The following FARP2 variants were observed in gnomAD, a reference collection of about 807,000 sequenced individuals.
FARP2 encodes the protein FERM, ARHGEF and pleckstrin domain-containing protein 2.
Under a neutral mutation model 130.5 loss-of-function variants are expected in FARP2, and 111 were observed. The observed-to-expected ratio is 0.85, with a 90% CI of 0.73 to 1.00. FARP2 has a LOEUF of 1.00. FARP2 is among the 50% of genes least tolerant of loss of function. The probability of loss-of-function intolerance (pLI) is 0.00; values close to 1 mark genes in which losing one functional copy is unlikely to be tolerated. For synonymous variants in FARP2, 504 were observed against 516.9 expected (o/e 0.98, Z 0.34); for missense variants, 1,385 against 1,346.3 (o/e 1.03, Z -0.45).
intron 8 of FARP2, among the ~76,000 whole-genome samples, chr2:241,422,610 G>C (rs1273371327): frequency 2.6e-5 from 4 of 152,162 alleles, no homozygotes; most frequent in African/African-American, 4.8e-5. Flanking sequence ...GAAATGGGCT[G>C]GGGCTGAGGC....
intron 2 of FARP2, among the ~76,000 whole-genome samples, chr2:241,375,040 G>A (rs2061503649): frequency 6.6e-6 from 1 of 152,054 alleles, no homozygotes; most frequent in African/African-American, 2.4e-5. Context: ...TCTGCCTCCC[G>A]GGTTCACACC....
chr2:241,447,499 G>C (rs751004538), intron 13 of FARP2, among the ~76,000 whole-genome samples: 2 of 152,132 alleles, frequency 1.3e-5, no homozygotes, highest in African/African-American at 4.8e-5. Flanking sequence ...CCCACGGGGC[G>C]GGCCTTGTGT....
chr2:241,440,967 T>A (rs57696929), intron 12 of FARP2, among the ~76,000 whole-genome samples: 1 of 152,030 alleles, frequency 6.6e-6, no homozygotes, highest in Non-Finnish European at 1.5e-5. Flanking sequence ...ATGGCACCAC[T>A]GTACTCCACC....
intron 1 of FARP2, among the ~76,000 whole-genome samples, chr2:241,359,002 C>G (rs1575441017): frequency 6.6e-6 from 1 of 152,278 alleles, no homozygotes; most frequent in East Asian, 1.9e-4. Context: ...GTAGAGTACT[C>G]CATAGCAAGT....
At chr2:241,453,284 C>T (rs903143162) in intron 13 of FARP2, among the ~76,000 whole-genome samples, 7 of 151,346 alleles carry the variant, frequency 4.6e-5, no homozygotes, top group Non-Finnish European at 4.4e-5. Context: ...GAGCCGAGAT[C>T]GTGCTACTGC....
In FARP2 at chr2:241,463,583, A is replaced by G. The variant is rs374585609; in HGVS notation, c.1811+115A>G. On this transcript the variant is annotated intron_variant, in intron 16 of 26. Transcript: ENST00000264042. ...AGAAGAGCCATTTTTTCACTGGAGC[A>G]TATTTTTAGGAGCCTGTGGGGAGAG... is the stretch of plus-strand genomic sequence containing the variant. 13 of 1,240,542 alleles carry G rather than the reference A, an allele frequency of 1.0e-5. No individual in the cohort carries two copies. The African/African-American group carries it at 1.5e-4, about 14-fold the overall frequency. The allele number at this position is 1,240,542 out of a possible 1,614,324, so 76.8% of individuals were successfully genotyped here.
At position 241,414,653 on chromosome 2, in the gene FARP2, G is replaced by T. The variant is rs760599378; in HGVS notation, c.623+1232G>T. On this transcript the variant is annotated intron_variant, in intron 7 of 26. Transcript: ENST00000264042. The stretch of plus-strand genomic sequence containing the variant: ...TGCACCTCACCACTCCCAGTGTGGG[G>T]GATCTCTTGTGTTTGCAGGGGAGTG... 4.9e-4 allele frequency among the ~76,000 whole-genome samples: 74 copies of T among 152,328 alleles called. No individual in the cohort carries two copies. The Middle Eastern group carries it at 0.014, about 28-fold the overall frequency.
At chr2:241,434,027 C>A (rs968626341) in intron 9 of FARP2, 131 bp from the exon 10 acceptor site, 19 of 713,812 alleles carry the variant, frequency 2.7e-5, no homozygotes, top group Non-Finnish European at 4.2e-5. Context: ...AGAGCAAGAT[C>A]CTGTCTCAAA....
intron 6 of FARP2, among the ~76,000 whole-genome samples, chr2:241,412,854 C>T (rs2062556577): frequency 6.6e-6 from 1 of 152,056 alleles, no homozygotes; most frequent in South Asian, 2.1e-4. Context: ...GTGGCAAAAC[C>T]TTATCTCTAC....
intron 19 of FARP2, among the ~76,000 whole-genome samples, chr2:241,479,286 T>G (rs956093910): frequency 1.3e-5 from 2 of 152,222 alleles, no homozygotes; most frequent in African/African-American, 4.8e-5. Flanking sequence ...CCGAAGATCA[T>G]GTAAAGGACA....
At chr2:241,450,938 C>T (rs926336237) in intron 13 of FARP2, among the ~76,000 whole-genome samples, 2 of 152,096 alleles carry the variant, frequency 1.3e-5, no homozygotes, top group African/African-American at 2.4e-5. Context: ...GGCAACAGAG[C>T]AAGACTGTCT....
chr2:241,399,290 A>G (rs541791942), intron 2 of FARP2, among the ~76,000 whole-genome samples: 2 of 152,128 alleles, frequency 1.3e-5, no homozygotes, highest in African/African-American at 4.8e-5. Flanking sequence ...TATGTTGACT[A>G]CAAGACCTTT....
chr2:241,415,856 A>G (rs1396073872), intron 7 of FARP2, among the ~76,000 whole-genome samples: 2 of 152,160 alleles, frequency 1.3e-5, no homozygotes, highest in African/African-American at 4.8e-5. Context: ...CAGCAGCTTC[A>G]GTGAGTGGTG....
chr2:241,438,975 A>G (rs1389099860), intron 12 of FARP2, among the ~76,000 whole-genome samples: 1 of 151,882 alleles, frequency 6.6e-6, no homozygotes, highest in African/African-American at 2.4e-5. Context: ...TGTTAATTCA[A>G]TTGAAATTAA....
At chr2:241,406,320 A>C (rs775719482) in intron 4 of FARP2, among the ~76,000 whole-genome samples, 8 of 151,972 alleles carry the variant, frequency 5.3e-5, no homozygotes, top group Non-Finnish European at 8.8e-5. Context: ...AAAAACCAAA[A>C]CAAAACAAAA....
At chr2:241,448,220 C>A (rs566019249) in intron 13 of FARP2, among the ~76,000 whole-genome samples, 1 of 152,276 alleles carries the variant, frequency 6.6e-6, no homozygotes, top group South Asian at 2.1e-4. Context: ...TGCTCCCTGA[C>A]CATCACCCTC....
rs1553705628 is a variant in FARP2 at position 241,366,104 on chromosome 2, A to ATAT, written c.-24-6980_-24-6979insTAT. Among the ~76,000 whole-genome samples, 246 of 56,952 alleles carry ATAT rather than the reference A, an allele frequency of 4.3e-3. 7 individuals carry two copies. Among genetic ancestry groups the ATAT allele is most frequent in the African/African-American group, 7.4e-3 (109 of 14,798 alleles). The allele number at this position is 56,952 out of a possible 152,430, so 37.4% of individuals were successfully genotyped here. A position where few individuals can be genotyped will look rare whatever the true frequency, so the allele number is the denominator to read the frequency against. ...ACCTCATCACTACTAAAAAAAAAAA[A>ATAT]ATATATATATATATATACGTATATA... On this transcript the variant is annotated intron_variant, in intron 1 of 26. Coordinates refer to ENST00000264042, the MANE Select transcript of FARP2 (RefSeq NM_014808.4).
chr2:241,443,148 G>T, intron 13 of FARP2: 1 of 240,204 alleles, frequency 4.2e-6, no homozygotes, highest in Non-Finnish European at 8.3e-6. Flanking sequence ...GCACAGACAA[G>T]TGGAGAAAGA....
intron 1 of FARP2, among the ~76,000 whole-genome samples, chr2:241,363,381 G>A (rs1363972547): frequency 6.6e-6 from 1 of 152,210 alleles, no homozygotes; most frequent in Non-Finnish European, 1.5e-5. Flanking sequence ...TCAGTCCCAG[G>A]CAAGATGCAG....
Sources: gnomAD v4.1 joint callset for allele counts (sites outside exome capture counted in the v4.1 genomes callset) on GRCh38, gnomAD v4.1.1 for gene constraint, MANE v1.5 for transcripts, NCBI Gene and HGNC (gene_info 2026-07-23, HGNC 2026-07-21) for gene names.